PDE8B: variants seen among roughly 807,000 people sequenced by gnomAD.
The protein encoded by PDE8B is high affinity cAMP-specific and IBMX-insensitive 3',5'-cyclic phosphodiesterase 8B.
In PDE8B, 26 loss-of-function variants were observed where a neutral mutation model predicts 101.3. The observed-to-expected ratio is 0.26, with a 90% CI of 0.19 to 0.36. The LOEUF (loss-of-function observed/expected upper bound fraction) is 0.36, where lower values mean the gene tolerates loss of function less well. PDE8B is among the 10% of genes least tolerant of loss of function. The probability of loss-of-function intolerance (pLI) is 1.00; values close to 1 mark genes in which losing one functional copy is unlikely to be tolerated. For missense variants in PDE8B, 810 were observed against 1,163.1 expected, an observed-to-expected ratio of 0.70 and a Z score of 4.42; for synonymous variants, 424 against 429.3, an observed-to-expected ratio of 0.99 and a Z score of 0.15.
At chr5:77,404,057 C>T (rs955795130) in intron 11 of PDE8B, among the ~76,000 whole-genome samples, 3 of 151,574 alleles carry the variant, frequency 2.0e-5, no homozygotes, top group South Asian at 2.1e-4. Context: ...GATCTTGGCT[C>T]ATTGCATGCA....
Position 77,391,542 on chromosome 5 carries a change from C to T in PDE8B, c.1168-8706C>T, listed in dbSNP as rs149453372. ...CTTGAAGAAGAATGGCCCAGAGCCACCTCAGCAGATGGAATTGGTACCTGT... is the reference window on the plus strand; with the variant it reads ...CTTGAAGAAGAATGGCCCAGAGCCATCTCAGCAGATGGAATTGGTACCTGT... On this transcript the variant is annotated intron_variant, in intron 10 of 21. Transcript: ENST00000264917. 1.8e-3 allele frequency among the ~76,000 whole-genome samples: 275 copies of T among 152,346 alleles called. 4 individuals carry two copies. The highest frequency in any genetic ancestry group is 6.4e-3 in the African/African-American group (267 of 41,596).
At chr5:77,203,377 C>G in the PDE8B span, among the ~76,000 whole-genome samples, 1,829 of 152,272 alleles carry the variant, frequency 0.012, 45 homozygotes, top group African/African-American at 0.041. Context: ...TAACGCAATT[C>G]TCTTGTGTGT....
rs750411611 is a variant in PDE8B, at chr5:77,418,423, C to G, written c.2106C>G (p.Cys702Trp). ...AFQLTVKDTK[C>W]NIFKNIDRNH... is the part of the protein sequence containing the mutation. ...AGCTCACGGTCAAGGACACCAAATG[C>G]AACATTTTCAAGAATATTGACAGGT... The change falls in exon 18 of 22, where the codon TGC becomes TGG. Residue 702 changes from cysteine to tryptophan, a missense_variant. Transcript: ENST00000264917. 1 of 1,613,422 alleles carries G rather than the reference C, an allele frequency of 6.2e-7. No individual in the cohort carries two copies. Among genetic ancestry groups the G allele is most frequent in the South Asian group, 1.1e-5 (1 of 91,036 alleles).
At chr5:77,355,039 G>C (rs1395207164) in intron 10 of PDE8B, among the ~76,000 whole-genome samples, 1 of 152,224 alleles carries the variant, frequency 6.6e-6, no homozygotes, top group Non-Finnish European at 1.5e-5. Flanking sequence ...CTGGCATGTA[G>C]TAGGCCCTCA....
the PDE8B span, among the ~76,000 whole-genome samples, chr5:77,167,633 C>T: frequency 6.6e-6 from 1 of 152,120 alleles, no homozygotes; most frequent in Non-Finnish European, 1.5e-5. Flanking sequence ...TTCTCCTATC[C>T]AGGAAGAGAG....
chr5:77,401,286 A>G (rs894733345), intron 11 of PDE8B, among the ~76,000 whole-genome samples: 1 of 152,144 alleles, frequency 6.6e-6, no homozygotes, highest in Non-Finnish European at 1.5e-5. Context: ...ACACACATAC[A>G]TTTTAGTTAA....
intron 1 of PDE8B, among the ~76,000 whole-genome samples, chr5:77,212,478 A>G (rs1382427264): frequency 1.3e-5 from 2 of 152,158 alleles, no homozygotes; most frequent in African/African-American, 2.4e-5. Flanking sequence ...CTGATTGTTT[A>G]ACATGAAGCT....
At chr5:77,212,084 G>T (rs1250585274) in intron 1 of PDE8B, among the ~76,000 whole-genome samples, 1 of 152,140 alleles carries the variant, frequency 6.6e-6, no homozygotes, top group Non-Finnish European at 1.5e-5. Context: ...AAAGACAGAA[G>T]AAAAATAATT....
intron 3 of PDE8B, among the ~76,000 whole-genome samples, chr5:77,327,292 C>G (rs1776226855): frequency 6.6e-6 from 1 of 152,208 alleles, no homozygotes; most frequent in South Asian, 2.1e-4. Context: ...CCTTAGTCCT[C>G]TCATCCAGGA....
chr5:77,193,176 G>T, the PDE8B span, among the ~76,000 whole-genome samples: 1 of 152,100 alleles, frequency 6.6e-6, no homozygotes, highest in African/African-American at 2.4e-5. Flanking sequence ...CATTTTCAAT[G>T]AATTGCAATT....
At chr5:77,365,653 G>A (rs1219227401) in intron 10 of PDE8B, among the ~76,000 whole-genome samples, 1 of 152,238 alleles carries the variant, frequency 6.6e-6, no homozygotes, top group East Asian at 1.9e-4. Flanking sequence ...ACAGGGGCCT[G>A]TGTGTGCCCT....
chr5:77,128,470 G>C, the PDE8B span, among the ~76,000 whole-genome samples: 4 of 152,174 alleles, frequency 2.6e-5, no homozygotes, highest in Non-Finnish European at 5.9e-5. Flanking sequence ...CACCTTTATG[G>C]GTTGTGCATG....
the PDE8B span, among the ~76,000 whole-genome samples, chr5:77,124,206 G>T: frequency 6.6e-6 from 1 of 151,974 alleles, no homozygotes; most frequent in Non-Finnish European, 1.5e-5. Flanking sequence ...AAAATATGAA[G>T]AACAGTCAAG....
intron 5 of PDE8B, among the ~76,000 whole-genome samples, chr5:77,333,705 AG>A (rs1289433731): frequency 6.6e-6 from 1 of 152,208 alleles, no homozygotes; most frequent in African/African-American, 2.4e-5. Context: ...GCTCACAGTT[AG>A]GAGAAACAAC....
intron 1 of PDE8B, among the ~76,000 whole-genome samples, chr5:77,267,625 G>T (rs747670081): frequency 2.6e-5 from 4 of 152,128 alleles, no homozygotes; most frequent in Non-Finnish European, 2.9e-5. Flanking sequence ...CGTGCTGCCT[G>T]GCTTGAAGCT....
the PDE8B span, among the ~76,000 whole-genome samples, chr5:77,169,970 T>C: frequency 2.6e-5 from 4 of 152,168 alleles, no homozygotes; most frequent in African/African-American, 9.7e-5. Flanking sequence ...TTCCCTATTT[T>C]AGCTATACGA....
chr5:77,328,276 C>T (rs934355711), intron 3 of PDE8B, among the ~76,000 whole-genome samples: 5 of 151,928 alleles, frequency 3.3e-5, no homozygotes, highest in African/African-American at 7.3e-5. Flanking sequence ...TAGCATGGCA[C>T]AGCTAAGAAG....
At chr5:77,266,376 T>G (rs1761713540) in intron 1 of PDE8B, among the ~76,000 whole-genome samples, 2 of 152,236 alleles carry the variant, frequency 1.3e-5, no homozygotes. Context: ...TTCACATTTT[T>G]TGTGCTCTTC....
chr5:77,347,789 G>C lies in PDE8B; in HGVS notation c.877-1630G>C, dbSNP rs1189432423. Among the ~76,000 whole-genome samples, 8 of 152,180 alleles carry C rather than the reference G, an allele frequency of 5.3e-5. No individual in the cohort carries two copies. The East Asian group carries it at 1.5e-3, about 29-fold the overall frequency. On this transcript the variant is annotated intron_variant, in intron 7 of 21. Transcript: ENST00000264917. The stretch of plus-strand genomic sequence containing the variant: ...TAAATTGGAGTTGGAGAGGGAAAGA[G>C]ACAGGGAAGGGTATTATAAGCAGAG...
Sources: allele counts gnomAD v4.1 joint callset (sites outside exome capture counted in the v4.1 genomes callset), GRCh38; gene constraint gnomAD v4.1.1; transcripts MANE v1.5; gene names NCBI Gene and HGNC (gene_info 2026-07-23, HGNC 2026-07-21).